Variants in MYOM1 observed in about 807,000 individuals in gnomAD.
MYOM1 encodes the protein myomesin 1, also known as myomesin-1.
MYOM1 carries 164 observed loss-of-function variants against 205.3 expected under a neutral mutation model. That is an observed-to-expected ratio of 0.80 (90% CI 0.70 to 0.91). The LOEUF is 0.91. MYOM1 is among the 40% of genes least tolerant of loss of function. The pLI is 0.00. For missense variants in MYOM1, 2,011 were observed against 2,127.3 expected, an observed-to-expected ratio of 0.95 and a Z score of 1.08; for synonymous variants, 772 against 789.4, an observed-to-expected ratio of 0.98 and a Z score of 0.37.
At chr18:3,116,932 C>T (rs1372001144) in intron 20 of MYOM1, among the ~76,000 whole-genome samples, 1 of 152,192 alleles carries the variant, frequency 6.6e-6, no homozygotes, top group Non-Finnish European at 1.5e-5. Flanking sequence ...TGGTAGCTCA[C>T]TGTAACCTCG....
At chr18:3,232,175 C>T in the MYOM1 span, among the ~76,000 whole-genome samples, 14 of 151,616 alleles carry the variant, frequency 9.2e-5, no homozygotes, top group African/African-American at 3.4e-4. Context: ...ACTAAAAATA[C>T]AAAAATTAGC....
intron 2 of MYOM1, among the ~76,000 whole-genome samples, chr18:3,197,605 G>A (rs2081005569): frequency 6.6e-6 from 1 of 152,096 alleles, no homozygotes; most frequent in Admixed American, 6.5e-5. Context: ...TGGGCGCGGT[G>A]GCTCACGCCT....
At chr18:3,184,348 G>A (rs2144128865) in intron 5 of MYOM1, among the ~76,000 whole-genome samples, 1 of 152,304 alleles carries the variant, frequency 6.6e-6, no homozygotes, top group South Asian at 2.1e-4. Flanking sequence ...AAGACCTTAT[G>A]TCCTAACTTA....
At position 3,205,867 on chromosome 18, in the gene MYOM1, A is replaced by AT. The variant is rs201954246; in HGVS notation, c.290+9066_290+9067insA. On this transcript the variant is annotated intron_variant, in intron 2 of 37. Transcript: ENST00000356443. ...GCAATTTCATTTATTTGACAAAAAA[A>AT]ATTATTGAGTATCTACTGTGTGCAA... 8.4e-3 allele frequency among the ~76,000 whole-genome samples: 1,285 copies of AT among 152,302 alleles called. 26 individuals are homozygous for AT. The highest frequency in any genetic ancestry group is 0.029 in the African/African-American group (1,215 of 41,546).
At chr18:3,072,850 G>A (rs1323277923) in intron 36 of MYOM1, among the ~76,000 whole-genome samples, 2 of 152,062 alleles carry the variant, frequency 1.3e-5, no homozygotes, top group Non-Finnish European at 2.9e-5. Context: ...AAGTAGAACA[G>A]ATCTCTATGG....
rs185719202 is a variant in MYOM1 at position 3,164,331 on chromosome 18, C to T, written c.1448G>A (p.Arg483His). 7.3e-5 allele frequency: 117 copies of T among 1,612,892 alleles called. 1 individual carries two copies. In the East Asian group the frequency reaches 2.3e-3, roughly 32 times the overall value. Reference protein sequence around the residue: ...NKEDEGLYTIRVRMGEYYEQY... With the variant: ...NKEDEGLYTIHVRMGEYYEQY... ...TTCATAATATTCTCCCATCCGTACA[C>T]GGATTGTATAGAGGCCTTCATCTTC... The change falls in exon 10 of 38, where the codon CGT becomes CAT. Residue 483 changes from arginine (R) to histidine (H), a missense_variant. Arg to His is a conservative substitution (Grantham distance 29). Transcript: ENST00000356443.
the MYOM1 span, among the ~76,000 whole-genome samples, chr18:3,241,742 C>A: frequency 6.6e-6 from 1 of 152,218 alleles, no homozygotes. Context: ...TGGAAAGCAA[C>A]AGACACTCAG....
intron 26 of MYOM1, among the ~76,000 whole-genome samples, chr18:3,091,670 A>G (rs1455460918): frequency 6.6e-6 from 1 of 152,166 alleles, no homozygotes; most frequent in Non-Finnish European, 1.5e-5. Flanking sequence ...TTGTTACCCC[A>G]AGTCACAAAA....
chr18:3,209,375 G>C lies in MYOM1; in HGVS notation c.290+5559C>G, dbSNP rs887587145. ...CCGCTCTTACTGCACATCTGGCCCTGGCTGGACTACAGCACTAGCCTCCTA... is the reference window on the plus strand; with the variant it reads ...CCGCTCTTACTGCACATCTGGCCCTCGCTGGACTACAGCACTAGCCTCCTA... On this transcript the variant is annotated intron_variant, in intron 2 of 37. Coordinates refer to ENST00000356443, the MANE Select transcript of MYOM1 (RefSeq NM_003803.4). The surrounding 1 kb of genome is among the most constrained non-coding windows in gnomAD (Gnocchi z 4.0). Among the ~76,000 whole-genome samples, 5 of 152,138 alleles carry C rather than the reference G, an allele frequency of 3.3e-5. No homozygotes were observed. The highest frequency in any genetic ancestry group is 6.5e-5 in the Admixed American group (1 of 15,270).
At chr18:3,084,905 C>T in intron 31 of MYOM1, 140 bp downstream of exon 31, 1 of 614,876 alleles carries the variant, frequency 1.6e-6, no homozygotes, top group Non-Finnish European at 2.9e-6. Context: ...ACAGTTCACT[C>T]TGTTGGAATT....
chr18:3,193,361 TACACACACACAC>T (rs58632082), intron 3 of MYOM1, among the ~76,000 whole-genome samples: 1 of 135,882 alleles, frequency 7.4e-6, no homozygotes, highest in Non-Finnish European at 1.5e-5. Context: ...TATATATATA[TACACACACACAC>T]ACACACACAA....
chr18:3,219,159 A>T lies in MYOM1; in HGVS notation c.-29+644T>A, dbSNP rs2081303033. On this transcript the variant is annotated intron_variant, in intron 1 of 37. Transcript: ENST00000356443. This position sits in a 1 kb window ranked among gnomAD's most constrained non-coding sequence, Gnocchi z 4.4. ...CTGAAAATAATTTGAGAATTTAGGAAGAAATACAAATTCCATAGCTGTAAT... is the reference window on the plus strand; with the variant it reads ...CTGAAAATAATTTGAGAATTTAGGATGAAATACAAATTCCATAGCTGTAAT... Among the ~76,000 whole-genome samples the T allele has an allele frequency of 6.6e-6, 1 of 152,238 alleles. No individual in the cohort carries two copies. Among genetic ancestry groups the T allele is most frequent in the South Asian group, 2.1e-4 (1 of 4,832 alleles).
intron 2 of MYOM1, 133 bp from the exon 3 acceptor site, chr18:3,194,091 T>C: frequency 1.1e-6 from 1 of 897,276 alleles, no homozygotes; most frequent in Non-Finnish European, 1.6e-6. Context: ...TTATCTCTTA[T>C]CTTTAGAATT....
In MYOM1 at chr18:3,126,685, A is replaced by C. The variant is rs1432824332; in HGVS notation, c.2991+16T>G. ...ATACATAGGACACGCCACACTACAG[A>C]AAGTCACGTGCTTACCTTGTATGCC... On this transcript the variant is annotated intron_variant, in intron 19 of 37. Transcript: ENST00000356443. The C allele has an allele frequency of 6.2e-7, 1 of 1,604,646 alleles. No homozygotes were observed. Among genetic ancestry groups the C allele is most frequent in the East Asian group, 2.2e-5 (1 of 44,780 alleles).
Position 3,183,590 on chromosome 18 carries a change from A to G in MYOM1, c.929+3890T>C, listed in dbSNP as rs537854670. On this transcript the variant is annotated intron_variant, in intron 5 of 37. Coordinates refer to ENST00000356443, the MANE Select transcript of MYOM1 (RefSeq NM_003803.4). ...GTGCCTTTGAAAGATGTGGCTAAGG[A>G]CATAACTGCTATGAGTGGAGGCAGT... Among the ~76,000 whole-genome samples, 8 of 152,282 alleles carry G rather than the reference A, an allele frequency of 5.3e-5. No individual in the cohort carries two copies. In the East Asian group the frequency reaches 1.5e-3, roughly 29 times the overall value.
the MYOM1 span, among the ~76,000 whole-genome samples, chr18:3,244,920 T>TA: frequency 6.5e-5 from 4 of 61,690 alleles, no homozygotes; most frequent in African/African-American, 1.3e-4. Context: ...TAAATAAAAG[T>TA]AAAAAAATAA....
chr18:3,228,749 T>A, the MYOM1 span, among the ~76,000 whole-genome samples: 1 of 152,204 alleles, frequency 6.6e-6, no homozygotes, highest in African/African-American at 2.4e-5. The surrounding 1 kb of genome is among the most constrained non-coding windows in gnomAD (Gnocchi z 4.5). Flanking sequence ...CTCAGGCTTG[T>A]CTGCAGTTAA....
chr18:3,149,990 G>T (rs982967808), intron 12 of MYOM1, among the ~76,000 whole-genome samples: 2 of 152,198 alleles, frequency 1.3e-5, no homozygotes, highest in Non-Finnish European at 2.9e-5. Context: ...AAGTTGGAGG[G>T]TTGGTGAAGA....
intron 36 of MYOM1, among the ~76,000 whole-genome samples, chr18:3,072,505 C>A (rs8099045): frequency 0.32 from 47,925 of 151,138 alleles, 7,758 homozygotes; most frequent in African/African-American, 0.37. Flanking sequence ...AGGCCTGTAC[C>A]ACCACGCCTG....
Sources: gnomAD v4.1 joint callset for allele counts (sites outside exome capture counted in the v4.1 genomes callset) on GRCh38, gnomAD v4.1.1 for gene constraint, Gnocchi (gnomAD v3.1) non-coding constraint, MANE v1.5 for transcripts, NCBI Gene and HGNC (gene_info 2026-07-23, HGNC 2026-07-21) for gene names.